The following DCLRE1C variants were observed in gnomAD, a reference collection of about 807,000 sequenced individuals.
DCLRE1C encodes the protein DNA cross-link repair 1C.
Under a neutral mutation model 61.4 loss-of-function variants are expected in DCLRE1C, and 47 were observed. That is an observed-to-expected ratio of 0.77 (90% CI 0.61 to 0.98). The LOEUF (loss-of-function observed/expected upper bound fraction) is 0.98. Among genes scored for constraint, DCLRE1C ranks in the 50% least tolerant of loss-of-function variants. DCLRE1C has a pLI of 0.00. For synonymous variants in DCLRE1C, 337 were observed against 287.6 expected (o/e 1.17, Z -1.74); for missense variants, 858 against 816.0 (o/e 1.05, Z -0.63).
At position 14,919,844 on chromosome 10, in the gene DCLRE1C, C is replaced by T; in HGVS notation, c.1062-12G>A. On this transcript the variant is annotated splice_polypyrimidine_tract_variant and intron_variant, in intron 12 of 13. Coordinates refer to ENST00000378278, the MANE Select transcript of DCLRE1C (RefSeq NM_001033855.3). ...ATAAAGGCTTTAAGCTGAAATGAATCAGAATATTTGATTTTTCCTTTTGAG... is the reference window on the plus strand; with the variant it reads ...ATAAAGGCTTTAAGCTGAAATGAATTAGAATATTTGATTTTTCCTTTTGAG... 6.3e-7 allele frequency: 1 copy of T among 1,598,528 alleles called. No individual in the cohort carries two copies. Among genetic ancestry groups the T allele is most frequent in the Non-Finnish European group, 8.6e-7 (1 of 1,165,926 alleles).
At chr10:14,934,817 T>C (rs369919971) in intron 6 of DCLRE1C, 42 bp from the exon 7 acceptor site, 14 of 1,455,712 alleles carry the variant, frequency 9.6e-6, no homozygotes, top group Non-Finnish European at 1.3e-5. Flanking sequence ...CAATGTGATA[T>C]AAATTATGTG....
intron 13 of DCLRE1C, among the ~76,000 whole-genome samples, chr10:14,911,744 C>A (rs1407902593): frequency 6.6e-6 from 1 of 152,178 alleles, no homozygotes; most frequent in African/African-American, 2.4e-5. Flanking sequence ...ACTCTTACAA[C>A]TCAATACAAA....
Position 14,949,037 on chromosome 10 carries a change from T to C in DCLRE1C, c.160A>G (p.Ser54Gly), listed in dbSNP as rs747508395. ...APTLKRRLEC[S>G]LKVYLYCSPV... is the part of the protein sequence containing the mutation. ...AACACAAGTAGCAAAATAAATTACC[T>C]GCACTCCAACCTTCTTTTCAAGGTA... Residue 54 changes from serine (S) to glycine (G), a missense_variant and splice_region_variant, in exon 2 of 14, where the codon AGC (serine) becomes GGC (glycine). Physicochemically the swap from Ser to Gly is moderately conservative, Grantham distance 56 (BLOSUM62 0). Around this residue, in one of 2 missense-constraint regions of DCLRE1C, gnomAD observed 843 missense variants for 783.5 expected, o/e 1.08. Coordinates refer to ENST00000378278, the MANE Select transcript of DCLRE1C (RefSeq NM_001033855.3). 3 of 1,608,004 alleles carry C rather than the reference T, an allele frequency of 1.9e-6. No homozygotes were observed. Among genetic ancestry groups the C allele is most frequent in the Non-Finnish European group, 1.7e-6 (2 of 1,174,802 alleles).
intron 11 of DCLRE1C, among the ~76,000 whole-genome samples, chr10:14,926,619 A>G (rs1838021238): frequency 6.7e-6 from 1 of 148,884 alleles, no homozygotes; most frequent in Non-Finnish European, 1.5e-5. Flanking sequence ...ACACCACTGT[A>G]CCCCAACCTG....
At chr10:14,903,929 TA>T (rs1279512396), downstream of DCLRE1C, 2 of 152,218 alleles carry the variant, frequency 1.3e-5, no homozygotes, top group Non-Finnish European at 2.9e-5. Flanking sequence ...ATTATATTGC[TA>T]TGACAACTTC....
chr10:14,920,631 CTT>C lies in DCLRE1C; in HGVS notation c.1062-801_1062-800del, dbSNP rs1836947868. Reference sequence around the variant, plus strand: ...CATTTCAGCTATTCTCCTGGGTTAACTTTTCAAAGTAAGGTTGTCTTCCCCCA... The same window carrying C: ...CATTTCAGCTATTCTCCTGGGTTAACTTCAAAGTAAGGTTGTCTTCCCCCA... On this transcript the variant is annotated intron_variant, in intron 12 of 13. Coordinates refer to ENST00000378278, the MANE Select transcript of DCLRE1C (RefSeq NM_001033855.3). 2.6e-5 allele frequency among the ~76,000 whole-genome samples: 4 copies of C among 152,262 alleles called. No homozygotes were observed. The South Asian group carries it at 8.3e-4, about 32-fold the overall frequency.
chr10:14,943,879 A>G (rs918942149), intron 3 of DCLRE1C, among the ~76,000 whole-genome samples: 2 of 152,102 alleles, frequency 1.3e-5, no homozygotes, highest in Non-Finnish European at 2.9e-5. Flanking sequence ...TAAACTGAGA[A>G]TTTGTCTTTT....
chr10:14,932,909 A>T lies in DCLRE1C; in HGVS notation c.725T>A (p.Leu242His). The T allele has an allele frequency of 6.2e-7, 1 of 1,614,194 alleles. No homozygotes were observed. The highest frequency in any genetic ancestry group is 8.5e-7 in the Non-Finnish European group (1 of 1,180,006). Residue 242 changes from leucine to histidine, a missense_variant, in exon 9 of 14, where the codon CTT (leucine) becomes CAT (histidine). Leu to His is a moderately conservative substitution (Grantham distance 99, BLOSUM62 -3). This residue lies in a region of DCLRE1C where 843 missense variants were observed against 783.5 expected (regional missense o/e 1.08). Transcript: ENST00000378278. ...GTTGCGGTCTGTTGTGAGATGATGA[A>T]GGATCTCAGGCATGTTCCTAAACAT... ...LDMFRNMPEI[L>H]HHLTTDRNTQ...
chr10:14,943,005 AATCCCAGCCACT>A (rs1208838978), intron 3 of DCLRE1C, among the ~76,000 whole-genome samples: 1 of 152,244 alleles, frequency 6.6e-6, no homozygotes, highest in Non-Finnish European at 1.5e-5. Context: ...TCAGGCCTGT[AATCCCAGCCACT>A]AGGGAGGCGG....
chr10:14,935,149 A>T (rs1001112047), intron 6 of DCLRE1C, among the ~76,000 whole-genome samples: 2 of 151,648 alleles, frequency 1.3e-5, no homozygotes, highest in African/African-American at 4.8e-5. Context: ...GAGCAATAAA[A>T]CTTTATTCAG....
At position 14,909,756 on chromosome 10, in the gene DCLRE1C, G is replaced by T. The variant is rs184409267; in HGVS notation, c.1157-426C>A. Among the ~76,000 whole-genome samples the T allele has an allele frequency of 2.7e-3, 417 of 152,244 alleles. 2 individuals are homozygous for T. Among genetic ancestry groups the T allele is most frequent in the African/African-American group, 9.5e-3 (395 of 41,522 alleles). On this transcript the variant is annotated intron_variant, in intron 13 of 13. Transcript: ENST00000378278. Reference sequence around the variant, plus strand: ...CCTGTGTGCTCTGCAAATAGTAGATGCTCAGTGGGTTGGCTGACTTAGGAA... The same window carrying T: ...CCTGTGTGCTCTGCAAATAGTAGATTCTCAGTGGGTTGGCTGACTTAGGAA...
chr10:14,902,696 A>G (rs1834107292), downstream of DCLRE1C: 1 of 465,754 alleles, frequency 2.1e-6, no homozygotes, highest in African/African-American at 2.0e-5. Context: ...GGTCTCATAG[A>G]CTGATATGAA....
At chr10:14,931,755 C>A (rs1024360952) in intron 9 of DCLRE1C, among the ~76,000 whole-genome samples, 7 of 151,730 alleles carry the variant, frequency 4.6e-5, no homozygotes, top group Non-Finnish European at 8.8e-5. Context: ...TCAAAAAGCA[C>A]AGGATGGGCG....
chr10:14,926,188 A>C (rs1837943992), intron 11 of DCLRE1C, among the ~76,000 whole-genome samples: 1 of 152,196 alleles, frequency 6.6e-6, no homozygotes, highest in Non-Finnish European at 1.5e-5. Flanking sequence ...TTGACAGAGT[A>C]AGAGCTGAAA....
chr10:14,909,377 C>G (rs1332020191), intron 13 of DCLRE1C, 47 bp from the exon 14 acceptor site: 2 of 1,548,256 alleles, frequency 1.3e-6, no homozygotes, highest in Non-Finnish European at 1.8e-6. Flanking sequence ...GCAAAGGGAG[C>G]CAATTTGTAG....
At position 14,907,342 on chromosome 10, in the gene DCLRE1C, T is replaced by TA. The variant is rs1181902784; in HGVS notation, c.*1065dup. Among the ~76,000 whole-genome samples, 1 of 151,058 alleles carries TA rather than the reference T, an allele frequency of 6.6e-6. No individual in the cohort carries two copies. The highest frequency in any genetic ancestry group is 2.4e-5 in the African/African-American group (1 of 40,946). On this transcript the variant is annotated 3_prime_UTR_variant, in exon 14 of 14. Coordinates refer to ENST00000378278, the MANE Select transcript of DCLRE1C (RefSeq NM_001033855.3). The stretch of plus-strand genomic sequence containing the variant: ...AATCAGGTGTGTTTATGAGCAAAGA[T>TA]ATGATCATGCTGAATGTTCCATGTG...
intron 13 of DCLRE1C, among the ~76,000 whole-genome samples, chr10:14,919,406 T>G (rs1408573686): frequency 1.3e-5 from 2 of 151,916 alleles, no homozygotes; most frequent in Non-Finnish European, 2.9e-5. Context: ...CAAACCAGCC[T>G]CTCTATGTCC....
In DCLRE1C at chr10:14,932,872, A is replaced by G. The variant is rs143042511; in HGVS notation, c.762T>C (p.His254=). 1.1e-4 allele frequency: 185 copies of G among 1,614,218 alleles called. No individual in the cohort carries two copies. The African/African-American group carries it at 2.2e-3, about 20-fold the overall frequency. ...HLTTDRNTQI[H]ACRHPKAEEY... is the part of the protein sequence containing the mutation. ...CACGTACCTTGGGATGCCGGCATGC[A>G]TGGATCTGAGTGTTGCGGTCTGTTG... Residue 254 remains histidine (H), a synonymous_variant, in exon 9 of 14, where the codon CAT becomes CAC. Transcript: ENST00000378278.
intron 13 of DCLRE1C, among the ~76,000 whole-genome samples, chr10:14,914,683 G>A (rs903758631): frequency 2.6e-5 from 4 of 152,152 alleles, no homozygotes; most frequent in African/African-American, 7.2e-5. Flanking sequence ...GGTGGCTCAC[G>A]CCTGTAATCC....
Sources: allele counts gnomAD v4.1 joint callset (sites outside exome capture counted in the v4.1 genomes callset), GRCh38; gene constraint gnomAD v4.1.1; regional missense constraint gnomAD v4.1.1; transcripts MANE v1.5; gene names NCBI Gene and HGNC (gene_info 2026-07-23, HGNC 2026-07-21).